SCFD2: variants seen among roughly 807,000 people sequenced by gnomAD.
The protein encoded by SCFD2 is sec1 family domain containing 2, also known as sec1 family domain-containing protein 2.
A neutral mutation model predicts 58.9 loss-of-function variants in SCFD2; 54 were observed. The ratio of observed to expected loss-of-function variants is 0.92; its 90% CI spans 0.74 to 1.15. The LOEUF (loss-of-function observed/expected upper bound fraction) is 1.15. Among genes scored for constraint, SCFD2 ranks in the 50% most tolerant of loss-of-function variants. The pLI is 0.00. For missense variants in SCFD2, 805 were observed against 836.6 expected, an observed-to-expected ratio of 0.96 and a Z score of 0.47; for synonymous variants, 321 against 335.9, an observed-to-expected ratio of 0.96 and a Z score of 0.49.
At chr4:53,292,263 C>A (rs1179935350) in intron 3 of SCFD2, among the ~76,000 whole-genome samples, 1 of 152,110 alleles carries the variant, frequency 6.6e-6, no homozygotes, top group Admixed American at 6.5e-5. Flanking sequence ...AGCAAACACA[C>A]AATCTACAGA....
rs749551840 is a variant in SCFD2, at chr4:53,313,701, A to C, written c.1070T>G (p.Met357Arg). 1.9e-6 allele frequency: 3 copies of C among 1,614,094 alleles called. No homozygotes were observed. Among genetic ancestry groups the C allele is most frequent in the East Asian group, 4.5e-5 (2 of 44,884 alleles). ...TTCCACTAGATGTCTCCGAACTTCC[A>C]TCACTGCCTCTTTGTGCTTAGTGTT... is the stretch of plus-strand genomic sequence containing the variant. ...LLNTKHKEAV[M>R]EVRRHLVEAA... Residue 357 changes from methionine (M) to arginine (R), a missense_variant, in exon 3 of 9, where the codon ATG (methionine) becomes AGG (arginine). Transcript: ENST00000401642.
At chr4:53,024,024 G>A (rs1474618263) in intron 5 of SCFD2, among the ~76,000 whole-genome samples, 2 of 152,120 alleles carry the variant, frequency 1.3e-5, no homozygotes, top group Non-Finnish European at 2.9e-5. Flanking sequence ...AGGCTGGCTT[G>A]GAACACAAAC....
chr4:53,075,187 C>T (rs1723935627), intron 5 of SCFD2, among the ~76,000 whole-genome samples: 1 of 152,182 alleles, frequency 6.6e-6, no homozygotes, highest in Non-Finnish European at 1.5e-5. Flanking sequence ...CCTTAAACCT[C>T]ATGAAACAAT....
At chr4:53,307,611 C>T (rs1732557715) in intron 3 of SCFD2, among the ~76,000 whole-genome samples, 1 of 152,172 alleles carries the variant, frequency 6.6e-6, no homozygotes, top group African/African-American at 2.4e-5. Context: ...AAAAAGAGAA[C>T]TCCAAGGTAC....
chr4:52,918,866 T>C (rs577510739), intron 6 of SCFD2, among the ~76,000 whole-genome samples: 52 of 152,296 alleles, frequency 3.4e-4, no homozygotes, highest in African/African-American at 1.3e-3. Context: ...ATTCCATTCA[T>C]TGTAATGGTT....
chr4:53,332,630 C>T (rs1733521686), intron 2 of SCFD2, among the ~76,000 whole-genome samples: 1 of 152,166 alleles, frequency 6.6e-6, no homozygotes, highest in Non-Finnish European at 1.5e-5. Context: ...GACAAACCCA[C>T]AGCCAATATC....
At chr4:53,009,269 C>G (rs1232745735) in intron 5 of SCFD2, among the ~76,000 whole-genome samples, 1 of 152,148 alleles carries the variant, frequency 6.6e-6, no homozygotes, top group Non-Finnish European at 1.5e-5. Flanking sequence ...TCTTAGAGTC[C>G]TATCTTCCCA....
chr4:53,226,792 T>TA (rs1433223320), intron 4 of SCFD2, among the ~76,000 whole-genome samples: 1 of 152,076 alleles, frequency 6.6e-6, no homozygotes, highest in Non-Finnish European at 1.5e-5. Context: ...CACATATAGG[T>TA]AAAGAAATGA....
Position 53,336,516 on chromosome 4 carries a change from CTTTATTA to C in SCFD2, c.1007+16075_1007+16081del. On this transcript the variant is annotated intron_variant, in intron 2 of 8. Coordinates refer to ENST00000401642, the MANE Select transcript of SCFD2 (RefSeq NM_152540.4). The stretch of plus-strand genomic sequence containing the variant: ...TCTTTTTTCCTTTTTTTCTTTCTTC[CTTTATTA>C]TTTATTTATTTATTTATTTGAGTTG... 1.3e-5 allele frequency among the ~76,000 whole-genome samples: 2 copies of C among 151,574 alleles called. 1 individual carries two copies. Among genetic ancestry groups the C allele is most frequent in the Middle Eastern group, 6.8e-3 (2 of 292 alleles).
At position 53,325,177 on chromosome 4, in the gene SCFD2, A is replaced by ATGTG. The variant is rs71662217; in HGVS notation, c.1008-11418_1008-11415dup. ...AATATAACCTAGAAAATTACTACAG[A>ATGTG]TGTGTGTGTGTGTGCGCGTGCGCGC... is the stretch of plus-strand genomic sequence containing the variant. On this transcript the variant is annotated intron_variant, in intron 2 of 8. Transcript: ENST00000401642. Among the ~76,000 whole-genome samples the ATGTG allele has an allele frequency of 4.1e-3, 620 of 149,924 alleles. 1 individual carries two copies. Among genetic ancestry groups the ATGTG allele is most frequent in the African/African-American group, 0.012 (475 of 40,858 alleles).
chr4:53,320,182 G>A (rs949352769), intron 2 of SCFD2, among the ~76,000 whole-genome samples: 2 of 152,188 alleles, frequency 1.3e-5, no homozygotes, highest in Non-Finnish European at 2.9e-5. Context: ...TACATGCCCA[G>A]TAAATTAGGG....
At chr4:53,247,440 G>GTATGTTCA (rs1339776153) in intron 4 of SCFD2, among the ~76,000 whole-genome samples, 1 of 152,176 alleles carries the variant, frequency 6.6e-6, no homozygotes, top group East Asian at 1.9e-4. Flanking sequence ...ACATGCACAT[G>GTATGTTCA]TATGTTCATT....
chr4:53,166,836 A>G (rs1283212472), intron 4 of SCFD2, among the ~76,000 whole-genome samples: 1 of 150,856 alleles, frequency 6.6e-6, no homozygotes, highest in African/African-American at 2.4e-5. Context: ...GCCCACCAAA[A>G]AAAAAAAAAA....
At chr4:53,197,195 G>C (rs1233935123) in intron 4 of SCFD2, among the ~76,000 whole-genome samples, 1 of 151,962 alleles carries the variant, frequency 6.6e-6, no homozygotes, top group African/African-American at 2.4e-5. Flanking sequence ...AACAAACTGA[G>C]AAACAAAAGT....
intron 4 of SCFD2, among the ~76,000 whole-genome samples, chr4:53,254,065 G>A (rs1224196800): frequency 6.6e-6 from 1 of 151,972 alleles, no homozygotes; most frequent in South Asian, 2.1e-4. Flanking sequence ...ACAAATAGAG[G>A]GGAACAACAC....
chr4:53,048,188 T>G (rs935990334), intron 5 of SCFD2, among the ~76,000 whole-genome samples: 1 of 152,078 alleles, frequency 6.6e-6, no homozygotes, highest in African/African-American at 2.4e-5. Flanking sequence ...CTGTCTCTAC[T>G]AAAAATACGA....
chr4:53,290,508 T>C (rs1368997894), intron 3 of SCFD2, among the ~76,000 whole-genome samples: 1 of 152,014 alleles, frequency 6.6e-6, no homozygotes, highest in Non-Finnish European at 1.5e-5. Context: ...AATAAATACC[T>C]ATATTAAAAA....
intron 5 of SCFD2, among the ~76,000 whole-genome samples, chr4:53,012,836 G>GTGTGTT (rs1553914338): frequency 1.9e-4 from 27 of 145,110 alleles, no homozygotes; most frequent in South Asian, 6.6e-4. Flanking sequence ...GTGTGTGTGT[G>GTGTGTT]TTTTTTTTTA....
intron 2 of SCFD2, among the ~76,000 whole-genome samples, chr4:53,331,845 G>A (rs993549393): frequency 1.2e-4 from 19 of 152,116 alleles, no homozygotes; most frequent in African/African-American, 3.9e-4. Context: ...TTGATAGACC[G>A]CTAGCAAGAC....
Sources: gnomAD v4.1 joint callset for allele counts (sites outside exome capture counted in the v4.1 genomes callset) on GRCh38, gnomAD v4.1.1 for gene constraint, MANE v1.5 for transcripts, NCBI Gene and HGNC (gene_info 2026-07-23, HGNC 2026-07-21) for gene names.